CHST9: variants seen among roughly 807,000 people sequenced by gnomAD.
The protein encoded by CHST9 is carbohydrate sulfotransferase 9.
A neutral mutation model predicts 44.4 loss-of-function variants in CHST9; 41 were observed. The observed-to-expected ratio is 0.92, with a 90% confidence interval of 0.72 to 1.20. The LOEUF (loss-of-function observed/expected upper bound fraction) is 1.20. Among genes scored for constraint, CHST9 ranks in the 50% most tolerant of loss-of-function variants. The pLI is 0.00. For missense variants in CHST9, 504 were observed against 516.5 expected (o/e 0.98, Z 0.23); for synonymous variants, 171 against 178.4 (o/e 0.96, Z 0.33).
At chr18:27,145,441 C>G (rs1329678458) in intron 1 of CHST9, among the ~76,000 whole-genome samples, 1 of 152,202 alleles carries the variant, frequency 6.6e-6, no homozygotes, top group African/African-American at 2.4e-5. Flanking sequence ...GCCTCAGCCT[C>G]CCAAAGTGCT....
At chr18:27,099,647 CA>C (rs1470179323) in intron 2 of CHST9, among the ~76,000 whole-genome samples, 1 of 152,010 alleles carries the variant, frequency 6.6e-6, no homozygotes, top group Non-Finnish European at 1.5e-5. Flanking sequence ...AAATGCAAAT[CA>C]AAACCATTAT....
chr18:26,922,049 GT>G (rs1382488285), intron 5 of CHST9, among the ~76,000 whole-genome samples: 1 of 152,086 alleles, frequency 6.6e-6, no homozygotes, highest in African/African-American at 2.4e-5. Flanking sequence ...CAAACATTTT[GT>G]TTTTTATTTC....
At chr18:27,070,411 T>C (rs1015769670) in intron 2 of CHST9, among the ~76,000 whole-genome samples, 1 of 152,226 alleles carries the variant, frequency 6.6e-6, no homozygotes, top group African/African-American at 2.4e-5. Context: ...ATCTGTTCAA[T>C]AGGAAGCATA....
chr18:27,169,790 G>A (rs1193586376), intron 1 of CHST9, among the ~76,000 whole-genome samples: 1 of 151,684 alleles, frequency 6.6e-6, no homozygotes, highest in Non-Finnish European at 1.5e-5. Context: ...TGTACTTTTA[G>A]TAGAGACGGG....
At chr18:27,044,060 T>TC (rs397739936) in intron 3 of CHST9, among the ~76,000 whole-genome samples, 76,099 of 148,926 alleles carry the variant, frequency 0.51, 19,486 homozygotes, top group East Asian at 0.73. Flanking sequence ...AGCGAGCCCT[T>TC]CCCCCCCCTT....
chr18:26,984,145 A>T (rs1394496590), intron 4 of CHST9, among the ~76,000 whole-genome samples: 1 of 152,248 alleles, frequency 6.6e-6, no homozygotes, highest in East Asian at 1.9e-4. Context: ...GAGCTATGGA[A>T]ATTAATTTAA....
At chr18:27,064,902 C>T (rs370364186) in intron 2 of CHST9, among the ~76,000 whole-genome samples, 2 of 152,276 alleles carry the variant, frequency 1.3e-5, no homozygotes, top group South Asian at 2.1e-4. Flanking sequence ...ACATTTCAAG[C>T]ATCACATGCC....
intron 2 of CHST9, among the ~76,000 whole-genome samples, chr18:27,100,528 G>A (rs1458702682): frequency 6.6e-6 from 1 of 152,192 alleles, no homozygotes; most frequent in African/African-American, 2.4e-5. Context: ...TTAGGGAAAG[G>A]GGGGCACTGA....
chr18:27,013,973 C>A (rs1373968439), intron 4 of CHST9, among the ~76,000 whole-genome samples: 4 of 152,196 alleles, frequency 2.6e-5, no homozygotes, highest in Non-Finnish European at 4.4e-5. Context: ...AATTTAAGTT[C>A]AATTGTATTA....
At chr18:26,972,220 G>C (rs1292293342) in intron 4 of CHST9, among the ~76,000 whole-genome samples, 1 of 151,934 alleles carries the variant, frequency 6.6e-6, no homozygotes. Context: ...ATCCAGGCGT[G>C]ATAGCACGGG....
chr18:27,152,775 T>C (rs1197735312), intron 1 of CHST9, among the ~76,000 whole-genome samples: 1 of 152,058 alleles, frequency 6.6e-6, no homozygotes, highest in Non-Finnish European at 1.5e-5. Flanking sequence ...TAAAAAATTT[T>C]TGGAGTCCTG....
chr18:27,147,052 A>C (rs925549525), intron 1 of CHST9, among the ~76,000 whole-genome samples: 5 of 151,908 alleles, frequency 3.3e-5, no homozygotes, highest in African/African-American at 1.2e-4. Flanking sequence ...CCAGTTTAGC[A>C]GACATTTATT....
intron 4 of CHST9, among the ~76,000 whole-genome samples, chr18:26,960,358 C>T (rs1598596185): frequency 6.6e-6 from 1 of 152,066 alleles, no homozygotes; most frequent in African/African-American, 2.4e-5. Context: ...TTACATCATC[C>T]ATAGTGAATA....
At chr18:26,984,340 C>T (rs2056728389) in intron 4 of CHST9, among the ~76,000 whole-genome samples, 1 of 152,142 alleles carries the variant, frequency 6.6e-6, no homozygotes, top group South Asian at 2.1e-4. Flanking sequence ...TCTATCCTGA[C>T]TCCCACTTCA....
intron 4 of CHST9, among the ~76,000 whole-genome samples, chr18:26,993,951 C>T (rs1207506866): frequency 6.6e-6 from 1 of 152,220 alleles, no homozygotes; most frequent in Non-Finnish European, 1.5e-5. Flanking sequence ...GGCCTCTCTC[C>T]TCGGCTGGGG....
chr18:26,931,212 C>T (rs2055872812), intron 5 of CHST9, among the ~76,000 whole-genome samples: 1 of 152,180 alleles, frequency 6.6e-6, no homozygotes, highest in Non-Finnish European at 1.5e-5. Context: ...TACCCCCTTC[C>T]CTCACTACAA....
chr18:27,038,328 T>G (rs1021910769), intron 3 of CHST9, among the ~76,000 whole-genome samples: 1 of 152,082 alleles, frequency 6.6e-6, no homozygotes, highest in Non-Finnish European at 1.5e-5. Flanking sequence ...GGCAGATCAC[T>G]TGAAGTCAGG....
intron 5 of CHST9, among the ~76,000 whole-genome samples, chr18:26,941,927 C>T (rs992489033): frequency 5.9e-5 from 9 of 152,130 alleles, no homozygotes; most frequent in African/African-American, 1.7e-4. Context: ...TGATTTCTCA[C>T]GTTGGTGAGA....
At chr18:27,030,983 G>T (rs1344483396) in intron 3 of CHST9, among the ~76,000 whole-genome samples, 1 of 152,050 alleles carries the variant, frequency 6.6e-6, no homozygotes, top group Non-Finnish European at 1.5e-5. Context: ...TGTTTATATT[G>T]TATTTAATAG....
Sources: allele counts gnomAD v4.1 joint callset (sites outside exome capture counted in the v4.1 genomes callset), GRCh38; gene constraint gnomAD v4.1.1; transcripts MANE v1.5; gene names NCBI Gene and HGNC (gene_info 2026-07-23, HGNC 2026-07-21).